The following TMEM132B variants were observed in gnomAD, a reference collection of about 807,000 sequenced individuals.
TMEM132B encodes transmembrane protein 132B.
In TMEM132B, 18 loss-of-function variants were observed where a neutral mutation model predicts 90.8. The ratio of observed to expected loss-of-function variants is 0.20; its 90% CI spans 0.14 to 0.29. The LOEUF (loss-of-function observed/expected upper bound fraction) is 0.29. TMEM132B is among the 10% of genes least tolerant of loss of function. The probability of loss-of-function intolerance (pLI) is 1.00; values close to 1 mark genes in which losing one functional copy is unlikely to be tolerated. For synonymous variants in TMEM132B, 504 were observed against 523.3 expected (o/e 0.96, Z 0.50); for missense variants, 1,096 against 1,326.8 (o/e 0.83, Z 2.70).
chr12:125,318,856 C>T (rs1876352072), intron 1 of TMEM132B, among the ~76,000 whole-genome samples: 1 of 152,218 alleles, frequency 6.6e-6, no homozygotes, highest in Non-Finnish European at 1.5e-5. Flanking sequence ...TAAAAATCCT[C>T]TTGTAAAAAT....
chr12:125,332,383 G>T (rs949955547), intron 1 of TMEM132B, among the ~76,000 whole-genome samples: 2 of 151,998 alleles, frequency 1.3e-5, no homozygotes, highest in African/African-American at 4.8e-5. Flanking sequence ...CTTGTAGCAG[G>T]CAAGTGAACA....
At chr12:125,254,295 A>G (rs1050237199) in intron 1 of TMEM132B, among the ~76,000 whole-genome samples, 1 of 152,156 alleles carries the variant, frequency 6.6e-6, no homozygotes, top group Non-Finnish European at 1.5e-5. Context: ...AAAGAAAAAA[A>G]AAAGAGCAAA....
At chr12:125,530,409 A>G (rs534191914) in intron 4 of TMEM132B, among the ~76,000 whole-genome samples, 17 of 152,160 alleles carry the variant, frequency 1.1e-4, no homozygotes, top group African/African-American at 4.1e-4. Flanking sequence ...GTTTTACATC[A>G]TGTGCCAAAT....
At chr12:125,333,533 T>C (rs985685679) in intron 1 of TMEM132B, among the ~76,000 whole-genome samples, 1 of 152,144 alleles carries the variant, frequency 6.6e-6, no homozygotes, top group African/African-American at 2.4e-5. Context: ...CCCTCCTCAG[T>C]GTTGGGCTCA....
chr12:125,292,778 G>A (rs1020889806), intron 1 of TMEM132B, among the ~76,000 whole-genome samples: 3 of 152,144 alleles, frequency 2.0e-5, no homozygotes, highest in Admixed American at 6.5e-5. Flanking sequence ...TTTCTCAGTC[G>A]GTTCAGCAGA....
rs565481608 is a variant in TMEM132B, at chr12:125,653,432, G to T, written c.2107-133G>T. The T allele has an allele frequency of 9.6e-5, 99 of 1,028,624 alleles. 1 individual carries two copies. Among genetic ancestry groups the T allele is most frequent in the Middle Eastern group, 6.5e-4 (2 of 3,072 alleles). 63.7% of individuals were successfully genotyped at this position (1,028,624 alleles called of 1,614,324 possible). On this transcript the variant is annotated intron_variant, in intron 8 of 8. Transcript: ENST00000682704. ...GTTCAACCAGTTCAAGGCATAACAA[G>T]AACTGTTCAAGATTATAAAACTATA...
rs572614259 is a variant in TMEM132B at position 125,510,222 on chromosome 12, G to A, written c.1107-9217G>A. Among the ~76,000 whole-genome samples the A allele has an allele frequency of 2.6e-5, 4 of 152,308 alleles. No homozygotes were observed. The East Asian group carries it at 7.7e-4, about 29-fold the overall frequency. On this transcript the variant is annotated intron_variant, in intron 3 of 8. Transcript: ENST00000682704. ...GAGCTGTAGTGTGAGAAATTGTCAT[G>A]GGTTTGGCAGCCGAGAAAGTGGAGG...
At chr12:125,358,397 G>A (rs909253664) in intron 2 of TMEM132B, among the ~76,000 whole-genome samples, 3 of 151,304 alleles carry the variant, frequency 2.0e-5, no homozygotes, top group Non-Finnish European at 4.4e-5. Flanking sequence ...TTGGTATATT[G>A]TTATTTAACA....
chr12:125,260,070 C>T (rs1294245083), intron 1 of TMEM132B, among the ~76,000 whole-genome samples: 1 of 152,148 alleles, frequency 6.6e-6, no homozygotes. Context: ...CACTGGTATC[C>T]ACACTGAAGA....
intron 1 of TMEM132B, among the ~76,000 whole-genome samples, chr12:125,336,035 C>T (rs989981424): frequency 2.0e-5 from 3 of 152,088 alleles, no homozygotes; most frequent in African/African-American, 4.8e-5. Context: ...TGGTATGGAG[C>T]GCTGTTAAGT....
At chr12:125,189,104 C>T (rs1410045774) in intron 1 of TMEM132B, among the ~76,000 whole-genome samples, 1 of 152,060 alleles carries the variant, frequency 6.6e-6, no homozygotes, top group Admixed American at 6.5e-5. Context: ...TTCTTTGTCC[C>T]CCACCCCCCT....
At chr12:125,537,872 C>A (rs1883850240) in intron 4 of TMEM132B, among the ~76,000 whole-genome samples, 2 of 152,134 alleles carry the variant, frequency 1.3e-5, no homozygotes, top group Non-Finnish European at 2.9e-5. Context: ...TGTCTCTGAG[C>A]CTCAGTGTCC....
At position 125,214,850 on chromosome 12, in the gene TMEM132B, AC is replaced by A. The variant is rs143635605; in HGVS notation, c.67+27987del. ...TCCAGATGGATTTGGACAATGAGAG[AC>A]CCGGCTGGAAATGAGAGGGTTGGAA... is the stretch of plus-strand genomic sequence containing the variant. On this transcript the variant is annotated intron_variant, in intron 1 of 8. Coordinates refer to ENST00000682704, the MANE Select transcript of TMEM132B (RefSeq NM_001366854.1). Among the ~76,000 whole-genome samples, 375 of 152,174 alleles carry A rather than the reference AC, an allele frequency of 2.5e-3. 1 individual carries two copies. Among genetic ancestry groups the A allele is most frequent in the African/African-American group, 8.6e-3 (358 of 41,496 alleles).
At chr12:125,364,930 T>C (rs1406592484) in intron 2 of TMEM132B, among the ~76,000 whole-genome samples, 1 of 152,024 alleles carries the variant, frequency 6.6e-6, no homozygotes. Context: ...CATACACTTG[T>C]GTCTTGTATT....
At chr12:125,593,005 A>G (rs1885354074) in intron 5 of TMEM132B, among the ~76,000 whole-genome samples, 1 of 152,216 alleles carries the variant, frequency 6.6e-6, no homozygotes. Flanking sequence ...AATTCAAAAG[A>G]GATTTAAGGC....
intron 3 of TMEM132B, among the ~76,000 whole-genome samples, chr12:125,446,488 A>C (rs532546348): frequency 3.4e-4 from 52 of 152,220 alleles, no homozygotes; most frequent in African/African-American, 1.2e-3. Flanking sequence ...GTAGAAAAAA[A>C]AGTTGGATTT....
chr12:125,528,750 T>C (rs1883562378), intron 4 of TMEM132B, among the ~76,000 whole-genome samples: 1 of 152,236 alleles, frequency 6.6e-6, no homozygotes, highest in African/African-American at 2.4e-5. Context: ...TACTGTTGAC[T>C]AGAAGCCTTA....
intron 4 of TMEM132B, among the ~76,000 whole-genome samples, chr12:125,554,069 A>G (rs1230865760): frequency 6.6e-6 from 1 of 152,210 alleles, no homozygotes; most frequent in Non-Finnish European, 1.5e-5. Context: ...TATTTAGCAT[A>G]TTGTAATTTA....
At chr12:125,536,702 G>A (rs76023826) in intron 4 of TMEM132B, among the ~76,000 whole-genome samples, 6 of 151,978 alleles carry the variant, frequency 3.9e-5, no homozygotes, top group East Asian at 1.9e-4. Context: ...ACCAAATCAC[G>A]CTGTGGGCAA....
Sources: allele counts gnomAD v4.1 joint callset (sites outside exome capture counted in the v4.1 genomes callset), GRCh38; gene constraint gnomAD v4.1.1; transcripts MANE v1.5; gene names NCBI Gene and HGNC (gene_info 2026-07-23, HGNC 2026-07-21).